The following CTNNA3 variants were observed in gnomAD, a reference collection of about 807,000 sequenced individuals.
CTNNA3 encodes the protein catenin alpha 3, also known as catenin alpha-3.
A neutral mutation model predicts 95.7 loss-of-function variants in CTNNA3; 76 were observed. The observed-to-expected ratio is 0.79, with a 90% confidence interval of 0.66 to 0.96. The LOEUF is 0.96. Among genes scored for constraint, CTNNA3 ranks in the 40% least tolerant of loss-of-function variants. CTNNA3 has a pLI of 0.00. For synonymous variants in CTNNA3, 431 were observed against 374.4 expected (o/e 1.15, Z -1.74); for missense variants, 1,191 against 1,089.8 (o/e 1.09, Z -1.31).
intron 11 of CTNNA3, among the ~76,000 whole-genome samples, chr10:66,508,879 T>C (rs1183101040): frequency 6.6e-6 from 1 of 152,132 alleles, no homozygotes; most frequent in Admixed American, 6.5e-5. Context: ...TACAATGATT[T>C]CCCTTCTTTG....
chr10:66,068,161 T>C (rs2080353057), intron 15 of CTNNA3, among the ~76,000 whole-genome samples: 2 of 152,180 alleles, frequency 1.3e-5, no homozygotes, highest in African/African-American at 4.8e-5. Flanking sequence ...CTAACTATTT[T>C]ATTTTTAATA....
chr10:66,371,829 G>A (rs2092756741), intron 12 of CTNNA3, among the ~76,000 whole-genome samples: 1 of 152,080 alleles, frequency 6.6e-6, no homozygotes. Context: ...CCAAGGTGTG[G>A]GCACATGATT....
chr10:65,927,927 T>C (rs931134732), intron 17 of CTNNA3, among the ~76,000 whole-genome samples: 10 of 152,188 alleles, frequency 6.6e-5, no homozygotes, highest in African/African-American at 2.2e-4. Flanking sequence ...GTATGAGCAT[T>C]ATAGTTATTC....
intron 7 of CTNNA3, among the ~76,000 whole-genome samples, chr10:66,880,659 CT>C (rs1206279794): frequency 6.6e-6 from 1 of 152,018 alleles, no homozygotes; most frequent in African/African-American, 2.4e-5. Flanking sequence ...AGAATACCTG[CT>C]AGGCAATGAA....
At chr10:66,566,883 T>C (rs574885442) in intron 10 of CTNNA3, among the ~76,000 whole-genome samples, 8 of 149,168 alleles carry the variant, frequency 5.4e-5, no homozygotes, top group Admixed American at 5.3e-4. Flanking sequence ...ACTACTTTTC[T>C]GAATTTGTAA....
At chr10:66,432,190 G>T (rs1336915641) in intron 11 of CTNNA3, among the ~76,000 whole-genome samples, 2 of 151,938 alleles carry the variant, frequency 1.3e-5, no homozygotes, top group African/African-American at 2.4e-5. Flanking sequence ...TCAGTTAATG[G>T]TATAGTTTAA....
intron 14 of CTNNA3, among the ~76,000 whole-genome samples, chr10:66,073,234 A>G (rs1470877470): frequency 6.6e-6 from 1 of 152,158 alleles, no homozygotes; most frequent in Non-Finnish European, 1.5e-5. Flanking sequence ...AGTGAATAGT[A>G]AATTGTATTC....
intron 13 of CTNNA3, among the ~76,000 whole-genome samples, chr10:66,140,963 A>G (rs1308569803): frequency 1.3e-5 from 2 of 152,162 alleles, no homozygotes; most frequent in Non-Finnish European, 2.9e-5. Flanking sequence ...ACATTTCAAT[A>G]GAAAATTTTC....
chr10:67,104,927 C>T (rs978488651), intron 7 of CTNNA3, among the ~76,000 whole-genome samples: 1 of 151,926 alleles, frequency 6.6e-6, no homozygotes, highest in Non-Finnish European at 1.5e-5. Context: ...CATTGTGGCA[C>T]CATTACCACC....
At chr10:66,889,949 C>A (rs1845201439) in intron 7 of CTNNA3, among the ~76,000 whole-genome samples, 1 of 152,048 alleles carries the variant, frequency 6.6e-6, no homozygotes, top group East Asian at 1.9e-4. Flanking sequence ...CGCCACCACG[C>A]CCAGCTAATT....
At chr10:67,537,269 G>C (rs1840514744) in intron 4 of CTNNA3, among the ~76,000 whole-genome samples, 3 of 152,112 alleles carry the variant, frequency 2.0e-5, no homozygotes, top group Admixed American at 2.0e-4. Context: ...CTAACCATTA[G>C]AGTAGTTAAG....
At position 66,213,666 on chromosome 10, in the gene CTNNA3, A is replaced by G. The variant is rs2088321423; in HGVS notation, c.1884+66804T>C. ...AATCAGTTTTGGACTCAACCATCACATACTATGAACTAATTTGAGACTCTC... is the reference window on the plus strand; with the variant it reads ...AATCAGTTTTGGACTCAACCATCACGTACTATGAACTAATTTGAGACTCTC... On this transcript the variant is annotated intron_variant, in intron 13 of 17. Transcript: ENST00000433211. 2.0e-5 allele frequency among the ~76,000 whole-genome samples: 3 copies of G among 152,182 alleles called. No individual in the cohort carries two copies. The South Asian group carries it at 6.2e-4, about 32-fold the overall frequency.
intron 12 of CTNNA3, among the ~76,000 whole-genome samples, chr10:66,351,950 A>AT (rs1419978560): frequency 2.0e-5 from 3 of 152,010 alleles, no homozygotes; most frequent in Non-Finnish European, 2.9e-5. Flanking sequence ...CCAAACTTTA[A>AT]TTTTACTGTC....
intron 5 of CTNNA3, among the ~76,000 whole-genome samples, chr10:67,405,498 G>A (rs1342976233): frequency 6.6e-6 from 1 of 152,074 alleles, no homozygotes; most frequent in Non-Finnish European, 1.5e-5. Flanking sequence ...ATAGCTAACT[G>A]TCCTAAATAT....
chr10:66,013,551 G>A (rs1993853), intron 15 of CTNNA3, among the ~76,000 whole-genome samples: 43,480 of 151,976 alleles, frequency 0.29, 6,659 homozygotes, highest in African/African-American at 0.39. Flanking sequence ...TTTTGCTAAC[G>A]CGCTTTTAAC....
At chr10:66,965,287 A>G (rs893055194) in intron 7 of CTNNA3, among the ~76,000 whole-genome samples, 2 of 151,926 alleles carry the variant, frequency 1.3e-5, no homozygotes, top group Non-Finnish European at 2.9e-5. Flanking sequence ...CTGTAATCTC[A>G]ACACTTTGGG....
intron 12 of CTNNA3, among the ~76,000 whole-genome samples, chr10:66,297,092 T>C (rs1209329108): frequency 1.3e-5 from 2 of 152,174 alleles, no homozygotes; most frequent in Non-Finnish European, 2.9e-5. Flanking sequence ...TGAAATATAA[T>C]GTGTGAGCAG....
intron 1 of CTNNA3, among the ~76,000 whole-genome samples, chr10:67,706,650 G>C (rs1309957232): frequency 6.6e-6 from 1 of 152,126 alleles, no homozygotes; most frequent in Admixed American, 6.6e-5. Context: ...GTGTTAAATT[G>C]GACAAGCAGG....
At chr10:67,708,588 C>T (rs1254617854) in intron 1 of CTNNA3, among the ~76,000 whole-genome samples, 1 of 152,088 alleles carries the variant, frequency 6.6e-6, no homozygotes, top group Non-Finnish European at 1.5e-5. Flanking sequence ...AAAAGTAATA[C>T]AGCTTTTAAA....
Sources: gnomAD v4.1 joint callset for allele counts (sites outside exome capture counted in the v4.1 genomes callset) on GRCh38, gnomAD v4.1.1 for gene constraint, MANE v1.5 for transcripts, NCBI Gene and HGNC (gene_info 2026-07-23, HGNC 2026-07-21) for gene names.